Variants in BRI3 observed in about 807,000 individuals in gnomAD.
BRI3 encodes the protein brain protein I3, also known as membrane protein BRI3.
BRI3 carries 6 observed loss-of-function variants against 12.8 expected under a neutral mutation model. That is an observed-to-expected ratio of 0.47 (90% CI 0.26 to 0.93). The LOEUF (loss-of-function observed/expected upper bound fraction) is 0.93. BRI3 is among the 40% of genes least tolerant of loss of function. The pLI, the probability that BRI3 is intolerant of heterozygous loss-of-function variation, is 0.15. For missense variants in BRI3, 134 were observed against 171.1 expected, an observed-to-expected ratio of 0.78 and a Z score of 1.21; for synonymous variants, 91 against 76.1, an observed-to-expected ratio of 1.20 and a Z score of -1.02.
the BRI3 span, among the ~76,000 whole-genome samples, chr7:98,320,552 T>A: frequency 8.1e-4 from 123 of 152,302 alleles, no homozygotes; most frequent in African/African-American, 2.6e-3. Context: ...GCCAGGCTGG[T>A]CTTGAACTCC....
chr7:98,306,089 C>T (rs376994495), upstream of BRI3, among the ~76,000 whole-genome samples: 182 of 152,206 alleles, frequency 1.2e-3, 1 homozygote, highest in African/African-American at 4.0e-3. Context: ...AAGCATACAA[C>T]AGCGTTAAGG....
At position 98,291,514 on chromosome 7, in the gene BRI3, T is replaced by C. The variant is rs1209660231; in HGVS notation, c.*271T>C. The stretch of plus-strand genomic sequence containing the variant: ...GAAATAATGTTTTCAATAAATGAGA[T>C]TCATACCATTGTTGACCTGGTGCTG... On this transcript the variant is annotated 3_prime_UTR_variant, in exon 3 of 3. Transcript: ENST00000297290. 8.0e-7 allele frequency: 1 copy of C among 1,243,100 alleles called. No homozygotes were observed. The highest frequency in any genetic ancestry group is 4.3e-5 in the East Asian group (1 of 23,106). 77.0% of individuals were successfully genotyped at this position (1,243,100 alleles called of 1,614,324 possible).
chr7:98,304,179 G>C, upstream of BRI3: 1 of 1,559,390 alleles, frequency 6.4e-7, no homozygotes, highest in Non-Finnish European at 8.7e-7. Flanking sequence ...AGGACGCCCT[G>C]CTGCGGCTTT....
At chr7:98,288,244 C>A (rs1046012533) in intron 2 of BRI3, among the ~76,000 whole-genome samples, 2 of 152,206 alleles carry the variant, frequency 1.3e-5, no homozygotes, top group Non-Finnish European at 2.9e-5. Context: ...TCCCCCGGAA[C>A]CTGTCATGGC....
downstream of BRI3, chr7:98,310,519 G>T: frequency 6.2e-7 from 1 of 1,605,858 alleles, no homozygotes; most frequent in South Asian, 1.1e-5. Context: ...CAAGGGACTG[G>T]TATATGCTCT....
downstream of BRI3, chr7:98,312,330 T>A (rs1186167436): frequency 4.7e-6 from 7 of 1,492,904 alleles, no homozygotes; most frequent in Admixed American, 2.1e-5. Flanking sequence ...AAAAATGACA[T>A]CACGTCATAT....
At chr7:98,307,603 T>C (rs954345496) in exon 2 of BRI3, 40 of 1,563,452 alleles carry the variant, frequency 2.6e-5, no homozygotes, top group Non-Finnish European at 3.4e-5. Context: ...AATGTGAGCA[T>C]GTCCACGAAG....
At chr7:98,283,962 C>G (rs1176493361) in intron 2 of BRI3, among the ~76,000 whole-genome samples, 2 of 152,232 alleles carry the variant, frequency 1.3e-5, no homozygotes, top group Admixed American at 6.5e-5. Context: ...CCTGCCACTT[C>G]CCCTTCCCTA....
At chr7:98,282,098 C>G (rs1460093908) in intron 1 of BRI3, among the ~76,000 whole-genome samples, 161 bp downstream of exon 1, 1 of 152,106 alleles carries the variant, frequency 6.6e-6, no homozygotes, top group Non-Finnish European at 1.5e-5. Flanking sequence ...GGCCAGCCTC[C>G]CCCCCGGGGC....
upstream of BRI3, among the ~76,000 whole-genome samples, chr7:98,302,651 T>A (rs1246401177): frequency 6.6e-6 from 1 of 152,182 alleles, no homozygotes; most frequent in Non-Finnish European, 1.5e-5. Context: ...GACAAATGAC[T>A]GGTTCTTCTA....
At chr7:98,303,330 G>C (rs1480247692), upstream of BRI3, among the ~76,000 whole-genome samples, 2 of 152,132 alleles carry the variant, frequency 1.3e-5, no homozygotes, top group Non-Finnish European at 2.9e-5. Context: ...TCGCCCCAAA[G>C]CAAGACAGCT....
At chr7:98,311,987 C>T (rs1326371818), downstream of BRI3, 30 of 1,144,318 alleles carry the variant, frequency 2.6e-5, no homozygotes, top group Non-Finnish European at 3.6e-5. Context: ...AAAAGGTGGT[C>T]CTGGAAGTAA....
downstream of BRI3, chr7:98,293,177 C>G (rs372328899): frequency 1.1e-5 from 3 of 285,330 alleles, no homozygotes; most frequent in East Asian, 7.5e-5. Context: ...GAAAGCCAGT[C>G]CTGAAAGCAT....
At chr7:98,300,303 G>A (rs771511325) in intron 1 of BRI3, among the ~76,000 whole-genome samples, 71 of 152,166 alleles carry the variant, frequency 4.7e-4, no homozygotes, top group Non-Finnish European at 8.4e-4. Flanking sequence ...GCACCAATGC[G>A]TCTGTAGGCT....
downstream of BRI3, chr7:98,293,273 G>C (rs1203175873): frequency 7.3e-6 from 3 of 408,234 alleles, no homozygotes; most frequent in Non-Finnish European, 1.3e-5. Flanking sequence ...ACTGTTTCTT[G>C]AACAGAATAG....
At chr7:98,315,614 TAAA>T in the BRI3 span, 1,569 of 772,088 alleles carry the variant, frequency 2.0e-3, 32 homozygotes, top group African/African-American at 0.019. Flanking sequence ...CTCCACATAC[TAAA>T]AAAAAAAAAA....
At chr7:98,294,022 A>G, downstream of BRI3, 2 of 1,595,318 alleles carry the variant, frequency 1.3e-6, no homozygotes, top group South Asian at 2.2e-5. Context: ...GGGGGACACT[A>G]CAGGGAAGAG....
intron 2 of BRI3, among the ~76,000 whole-genome samples, chr7:98,284,663 C>T (rs1033660500): frequency 2.6e-5 from 4 of 152,368 alleles, no homozygotes; most frequent in African/African-American, 7.2e-5. Context: ...CCAAGTCACA[C>T]ATCTGTTAGT....
chr7:98,301,012 C>A (rs1322311436), intron 1 of BRI3, among the ~76,000 whole-genome samples: 1 of 152,180 alleles, frequency 6.6e-6, no homozygotes, highest in Non-Finnish European at 1.5e-5. Flanking sequence ...TCCACCCCTG[C>A]GTGGGTCTCA....
Sources: allele counts gnomAD v4.1 joint callset (sites outside exome capture counted in the v4.1 genomes callset), GRCh38; gene constraint gnomAD v4.1.1; transcripts MANE v1.5; gene names NCBI Gene and HGNC (gene_info 2026-07-23, HGNC 2026-07-21).